PKN2: variants seen among roughly 807,000 people sequenced by gnomAD.
The protein encoded by PKN2 is protein kinase N2.
Under a neutral mutation model 119.1 loss-of-function variants are expected in PKN2, and 38 were observed. That is an observed-to-expected ratio of 0.32 (90% CI 0.25 to 0.42). PKN2 has a LOEUF of 0.42. Among genes scored for constraint, PKN2 ranks in the 10% least tolerant of loss-of-function variants. PKN2 has a pLI of 1.00. For synonymous variants in PKN2, 390 were observed against 384.9 expected (o/e 1.01, Z -0.15); for missense variants, 850 against 1,165.1 (o/e 0.73, Z 3.94).
intron 6 of PKN2, among the ~76,000 whole-genome samples, chr1:88,778,278 T>C (rs923887443): frequency 6.6e-6 from 1 of 152,244 alleles, no homozygotes; most frequent in African/African-American, 2.4e-5. Context: ...TCTCAGATAC[T>C]TTTTGGTTTA....
In PKN2 at chr1:88,784,833, A is replaced by G. The variant is rs780816188; in HGVS notation, c.1171+9A>G. ...AACCGATGACTTGTCCAGTTCAGTA[A>G]CCAGATTTTTAAAAATCATGTAACA... On this transcript the variant is annotated intron_variant, in intron 7 of 21. Coordinates refer to ENST00000370521, the MANE Select transcript of PKN2 (RefSeq NM_006256.4). 6.4e-6 allele frequency: 10 copies of G among 1,562,106 alleles called. No homozygotes were observed. In the Admixed American group the frequency reaches 1.8e-4, roughly 29 times the overall value.
chr1:88,734,024 G>A (rs1352636859), intron 1 of PKN2, among the ~76,000 whole-genome samples: 1 of 152,064 alleles, frequency 6.6e-6, no homozygotes, highest in East Asian at 1.9e-4. Flanking sequence ...TAGGCATAGT[G>A]GAGCCCACCT....
chr1:88,717,489 C>T (rs766157691), intron 1 of PKN2, among the ~76,000 whole-genome samples: 10 of 151,880 alleles, frequency 6.6e-5, no homozygotes, highest in South Asian at 2.1e-4. Context: ...AGGCTTTGTT[C>T]GTTTCTTTTT....
At chr1:88,706,665 T>C (rs1667017200) in intron 1 of PKN2, among the ~76,000 whole-genome samples, 1 of 152,200 alleles carries the variant, frequency 6.6e-6, no homozygotes, top group African/African-American at 2.4e-5. Flanking sequence ...TCCTGCTTAA[T>C]GTTTTTATGA....
At chr1:88,772,992 C>G (rs921598953) in intron 6 of PKN2, among the ~76,000 whole-genome samples, 6 of 152,060 alleles carry the variant, frequency 3.9e-5, no homozygotes, top group Non-Finnish European at 8.8e-5. Flanking sequence ...TTGCTAGGTT[C>G]ATGTATGTTT....
intron 1 of PKN2, among the ~76,000 whole-genome samples, chr1:88,735,687 G>T (rs191726188): frequency 2.2e-5 from 3 of 134,960 alleles, no homozygotes; most frequent in Middle Eastern, 5.2e-3. Flanking sequence ...TAAGGTTTCT[G>T]CTGAGAAGTC....
chr1:88,778,739 AG>A (rs1456558214), intron 6 of PKN2, among the ~76,000 whole-genome samples: 31 of 150,568 alleles, frequency 2.1e-4, no homozygotes, highest in African/African-American at 7.1e-4. Flanking sequence ...TTCGAGACAG[AG>A]TCTCGCTCTG....
chr1:88,831,645 A>T (rs949114822), intron 19 of PKN2, among the ~76,000 whole-genome samples: 2 of 152,030 alleles, frequency 1.3e-5, no homozygotes, highest in African/African-American at 4.8e-5. Flanking sequence ...ATTTTCACAG[A>T]TTCTTAAAGA....
intron 1 of PKN2, among the ~76,000 whole-genome samples, chr1:88,737,057 A>C (rs1205167765): frequency 6.6e-6 from 1 of 152,162 alleles, no homozygotes; most frequent in Admixed American, 6.5e-5. Flanking sequence ...CAGTGTCTCC[A>C]CACTGTGCTG....
intron 6 of PKN2, among the ~76,000 whole-genome samples, chr1:88,776,705 A>C (rs993445476): frequency 2.6e-5 from 4 of 151,350 alleles, no homozygotes; most frequent in African/African-American, 9.7e-5. Flanking sequence ...ATGCCACTGC[A>C]CTCCAGCCTG....
At chr1:88,708,767 A>G (rs573128851) in intron 1 of PKN2, among the ~76,000 whole-genome samples, 1 of 151,946 alleles carries the variant, frequency 6.6e-6, no homozygotes, top group East Asian at 1.9e-4. Flanking sequence ...CGGCCCCTAA[A>G]ACACTGATTT....
chr1:88,691,632 A>G (rs185666346), intron 1 of PKN2, among the ~76,000 whole-genome samples: 251 of 152,248 alleles, frequency 1.6e-3, no homozygotes, highest in Non-Finnish European at 3.0e-3. Context: ...TAACCTACGT[A>G]TAGTTTTCCT....
At chr1:88,772,374 AT>A (rs1377016963) in intron 6 of PKN2, among the ~76,000 whole-genome samples, 1 of 152,204 alleles carries the variant, frequency 6.6e-6, no homozygotes. Flanking sequence ...ATATTCTAAA[AT>A]TCAAAACTTT....
chr1:88,788,012 A>G (rs781319909), intron 8 of PKN2, among the ~76,000 whole-genome samples: 46 of 152,232 alleles, frequency 3.0e-4, no homozygotes, highest in Non-Finnish European at 4.4e-4. Context: ...AAGCGGCCTT[A>G]GTAAAAAAGA....
rs745577228 is a variant in PKN2 at position 88,741,183 on chromosome 1, G to A, written c.244G>A (p.Val82Ile). Reference protein sequence around the residue: ...VTTDKKSLAYVDNILKKSNKK... With the variant: ...VTTDKKSLAYIDNILKKSNKK... The stretch of plus-strand genomic sequence containing the variant: ...AACAGATAAAAAAAGTTTGGCTTAT[G>A]TAGACAACATTTTGAAAAAATCAAA... Residue 82 changes from valine (V) to isoleucine (I), a missense_variant, in exon 2 of 22, where the codon GTA (valine) becomes ATA (isoleucine). Val to Ile is a conservative substitution (Grantham distance 29). Transcript: ENST00000370521. The A allele has an allele frequency of 1.9e-6, 3 of 1,605,802 alleles. No homozygotes were observed. The highest frequency in any genetic ancestry group is 2.5e-6 in the Non-Finnish European group (3 of 1,177,500).
At chr1:88,765,183 C>T (rs1669614699) in intron 3 of PKN2, among the ~76,000 whole-genome samples, 1 of 151,728 alleles carries the variant, frequency 6.6e-6, no homozygotes, top group Admixed American at 6.6e-5. Context: ...CCCGCCTGGC[C>T]CTCCCAAAGT....
intron 6 of PKN2, among the ~76,000 whole-genome samples, chr1:88,781,912 G>A (rs966458499): frequency 3.9e-5 from 6 of 152,028 alleles, no homozygotes; most frequent in Non-Finnish European, 8.8e-5. Context: ...TGTACAGTAA[G>A]ATAAGATTTC....
At position 88,713,953 on chromosome 1, in the gene PKN2, T is replaced by C. The variant is rs184840027; in HGVS notation, c.49-27035T>C. ...GTCTTTAATCCATCTTGAATTAATA[T>C]TTGTACAAGGTGTAAGGAAGGGATC... is the stretch of plus-strand genomic sequence containing the variant. On this transcript the variant is annotated intron_variant, in intron 1 of 21. Coordinates refer to ENST00000370521, the MANE Select transcript of PKN2 (RefSeq NM_006256.4). Among the ~76,000 whole-genome samples, 140 of 152,338 alleles carry C rather than the reference T, an allele frequency of 9.2e-4. 1 individual carries two copies. Among genetic ancestry groups the C allele is most frequent in the Non-Finnish European group, 3.2e-4 (22 of 68,020 alleles).
At chr1:88,698,074 G>A (rs1666613868) in intron 1 of PKN2, among the ~76,000 whole-genome samples, 2 of 152,110 alleles carry the variant, frequency 1.3e-5, no homozygotes, top group African/African-American at 4.8e-5. Flanking sequence ...CTTGCACATA[G>A]CAGTGTTGAG....
Sources: gnomAD v4.1 joint callset for allele counts (sites outside exome capture counted in the v4.1 genomes callset) on GRCh38, gnomAD v4.1.1 for gene constraint, MANE v1.5 for transcripts, NCBI Gene and HGNC (gene_info 2026-07-23, HGNC 2026-07-21) for gene names.